TAP2: variants seen among roughly 807,000 people sequenced by gnomAD.
The protein encoded by TAP2 is antigen peptide transporter 2.
In TAP2, 49 loss-of-function variants were observed where a neutral mutation model predicts 74.7. The observed-to-expected ratio is 0.66, with a 90% CI of 0.52 to 0.83. The LOEUF (loss-of-function observed/expected upper bound fraction) is 0.83, where lower values mean the gene tolerates loss of function less well. TAP2 is among the 40% of genes least tolerant of loss of function. TAP2 has a pLI of 0.00. For missense variants in TAP2, 739 were observed against 859.0 expected (o/e 0.86, Z 1.75); for synonymous variants, 306 against 368.4 (o/e 0.83, Z 1.94).
Position 32,837,768 on chromosome 6 carries a change from A to C in TAP2, c.466T>G (p.Phe156Val), listed in dbSNP as rs1769514464. 1 of 1,614,206 alleles carries C rather than the reference A, an allele frequency of 6.2e-7. No individual in the cohort carries two copies. Among genetic ancestry groups the C allele is most frequent in the Non-Finnish European group, 8.5e-7 (1 of 1,180,030 alleles). ...AAAACAGCAAGGACAAGGAAGAAGA[A>C]GGCGGCAACGAGGAGAGGCAGGTCC... ...RPDLPLLVAA[F>V]FFLVLAVLGE... The change falls in exon 2 of 12, where the codon TTC becomes GTC. Residue 156 changes from phenylalanine (F) to valine (V), a missense_variant. By Grantham distance (50) the Phe-to-Val change is conservative. Transcript: ENST00000374897.
At chr6:32,836,139 T>A (rs1769406185) in intron 3 of TAP2, among the ~76,000 whole-genome samples, 1 of 152,196 alleles carries the variant, frequency 6.6e-6, no homozygotes, top group Non-Finnish European at 1.5e-5. Context: ...CCCTCAGGCT[T>A]GTCCCTCTGT....
rs1768642313 is a variant in TAP2, at chr6:32,826,225, G to C, written c.*2681C>G. 1 of 985,386 alleles carries C rather than the reference G, an allele frequency of 1.0e-6. No individual in the cohort carries two copies. The highest frequency in any genetic ancestry group is 1.2e-6 in the Non-Finnish European group (1 of 829,932). The allele number at this position is 985,386 out of a possible 1,614,324, so 61.0% of individuals were successfully genotyped here. On this transcript the variant is annotated 3_prime_UTR_variant, in exon 12 of 12. Transcript: ENST00000374897. ...GATTACAAGTGGCTATCCCTGGGTG[G>C]AGGCATAAAGGACTTGAAACTCAAT...
In TAP2 at chr6:32,826,513, A is replaced by C; in HGVS notation, c.*2393T>G. 1.0e-6 allele frequency: 1 copy of C among 985,452 alleles called. No homozygotes were observed. The highest frequency in any genetic ancestry group is 1.2e-6 in the Non-Finnish European group (1 of 829,944). The allele number at this position is 985,452 out of a possible 1,614,324, so 61.0% of individuals were successfully genotyped here. A position where few individuals can be genotyped will look rare whatever the true frequency, so the allele number is the denominator to read the frequency against. On this transcript the variant is annotated 3_prime_UTR_variant, in exon 12 of 12. Coordinates refer to ENST00000374897, the MANE Select transcript of TAP2 (RefSeq NM_001290043.2). ...AGGATTAGTGACATCTGTGGTTCCC[A>C]GACAAACCACACTTACAGGAATTTG...
chr6:32,828,682 C>CCACA lies in TAP2; in HGVS notation c.*223_*224insTGTG. 5.1e-6 allele frequency: 5 copies of CCACA among 971,400 alleles called. No individual in the cohort carries two copies. Among genetic ancestry groups the CCACA allele is most frequent in the Non-Finnish European group, 6.2e-6 (5 of 810,130 alleles). 60.2% of individuals were successfully genotyped at this position (971,400 alleles called of 1,614,324 possible). ...GTTTCCTGGACACAGACAGCCCCCA[C>CCACA]CCCACCCCACCCCACCTCTCTACCC... On this transcript the variant is annotated 3_prime_UTR_variant, in exon 12 of 12. Coordinates refer to ENST00000374897, the MANE Select transcript of TAP2 (RefSeq NM_001290043.2).
chr6:32,836,828 T>C (rs974363081), intron 3 of TAP2, among the ~76,000 whole-genome samples: 23 of 152,198 alleles, frequency 1.5e-4, no homozygotes, highest in Admixed American at 5.9e-4. Context: ...CAGGATGGAA[T>C]GAAGGCACAA....
At chr6:32,836,383 T>G (rs1769421777) in intron 3 of TAP2, among the ~76,000 whole-genome samples, 1 of 152,254 alleles carries the variant, frequency 6.6e-6, no homozygotes. Flanking sequence ...AAGCATGTAT[T>G]TTACAAAATA....
chr6:32,834,761 GCTGATTTTAAAGGGAAAATCTCC>G (rs372238361), intron 5 of TAP2, among the ~76,000 whole-genome samples: 55 of 152,272 alleles, frequency 3.6e-4, no homozygotes, highest in African/African-American at 1.3e-3. Context: ...GACTTCTTCT[GCTGATTTTAAAGGGAAAATCTCC>G]CTGCCTAAAA....
chr6:32,823,763 T>C (rs1224405818), downstream of TAP2, among the ~76,000 whole-genome samples: 1 of 150,368 alleles, frequency 6.7e-6, no homozygotes, highest in Non-Finnish European at 1.5e-5. Context: ...AATGTTTACA[T>C]GAGTATTTTT....
rs777959391 is a variant in TAP2, at chr6:32,830,404, C to T, written c.1498G>A (p.Ala500Thr). 1.9e-6 allele frequency: 3 copies of T among 1,612,958 alleles called. No individual in the cohort carries two copies. Among genetic ancestry groups the T allele is most frequent in the Non-Finnish European group, 2.5e-6 (3 of 1,180,040 alleles). ...CCAGACCCATTGGGTCCCACCAGCG[C>T]CGTCACCTCACCAGGACGTAGGGTA... ...TFTLRPGEVT[A>T]LVGPNGSGKS... Residue 500 changes from alanine to threonine, a missense_variant, in exon 9 of 12, where the codon GCG becomes ACG. Transcript: ENST00000374897.
intron 3 of TAP2, among the ~76,000 whole-genome samples, chr6:32,836,659 G>A (rs993582728): frequency 4.6e-5 from 7 of 152,186 alleles, no homozygotes; most frequent in Non-Finnish European, 8.8e-5. Flanking sequence ...CACTGTGGGC[G>A]ACTGTAACAC....
chr6:32,835,433 C>G lies in TAP2; in HGVS notation c.740-74G>C, dbSNP rs1225014775. On this transcript the variant is annotated intron_variant, in intron 4 of 11. Transcript: ENST00000374897. The surrounding 1 kb of genome is among the most constrained non-coding windows in gnomAD (Gnocchi z 4.0). ...GGGCCCCCAGAAACTCCCTCCTGACCGTTCCCTCTGACACAGCCCCCTCCT... is the reference window on the plus strand; with the variant it reads ...GGGCCCCCAGAAACTCCCTCCTGACGGTTCCCTCTGACACAGCCCCCTCCT... 9.7e-6 allele frequency: 15 copies of G among 1,540,506 alleles called. No homozygotes were observed. The highest frequency in any genetic ancestry group is 1.4e-5 in the African/African-American group (1 of 73,410).
In TAP2 at chr6:32,834,962, A is replaced by G. The variant is rs529088139; in HGVS notation, c.945+192T>C. ...TGTTTACAGTTCTGGAGAATCATGA[A>G]TCTTCTGAAGTCAAATATCCATTGT... On this transcript the variant is annotated intron_variant, in intron 5 of 11. Transcript: ENST00000374897. Among the ~76,000 whole-genome samples, 4 of 152,288 alleles carry G rather than the reference A, an allele frequency of 2.6e-5. No homozygotes were observed. In the South Asian group the frequency reaches 8.3e-4, roughly 32 times the overall value.
downstream of TAP2, chr6:32,825,362 C>T (rs1024894775): frequency 1.3e-5 from 2 of 152,110 alleles, no homozygotes; most frequent in Admixed American, 1.3e-4. Flanking sequence ...AATAACCTAA[C>T]TAGCCATCAG....
rs2127364618 is a variant in TAP2 at position 32,835,992 on chromosome 6, G to A, written c.609-219C>T. On this transcript the variant is annotated intron_variant, in intron 3 of 11. Coordinates refer to ENST00000374897, the MANE Select transcript of TAP2 (RefSeq NM_001290043.2). The surrounding 1 kb of genome is among the most constrained non-coding windows in gnomAD (Gnocchi z 4.0). Reference sequence around the variant, plus strand: ...AGAGGAGACATGGTGAGCTAGATGTGAGAACAAAATCATAACATGTACAAA... The same window carrying A: ...AGAGGAGACATGGTGAGCTAGATGTAAGAACAAAATCATAACATGTACAAA... Among the ~76,000 whole-genome samples, 1 of 152,258 alleles carries A rather than the reference G, an allele frequency of 6.6e-6. No homozygotes were observed. Among genetic ancestry groups the A allele is most frequent in the South Asian group, 2.1e-4 (1 of 4,826 alleles).
In TAP2 at chr6:32,835,083, C is replaced by T. The variant is rs1769323895; in HGVS notation, c.945+71G>A. 7 of 1,519,590 alleles carry T rather than the reference C, an allele frequency of 4.6e-6. No individual in the cohort carries two copies. The highest frequency in any genetic ancestry group is 6.4e-6 in the Non-Finnish European group (7 of 1,101,720). The allele number at this position is 1,519,590 out of a possible 1,614,324, so 94.1% of individuals were successfully genotyped here. ...CATCTCTCTCTAGGGGATCCTCTAG[C>T]CACAAATGTGGAAGCCTCCTCACCT... On this transcript the variant is annotated intron_variant, in intron 5 of 11. Transcript: ENST00000374897. The surrounding 1 kb of genome is among the most constrained non-coding windows in gnomAD (Gnocchi z 4.0).
Position 32,827,640 on chromosome 6 carries a change from A to AC in TAP2, c.*1265dup. 1.3e-6 allele frequency: 1 copy of AC among 750,012 alleles called. No homozygotes were observed. Among genetic ancestry groups the AC allele is most frequent in the Non-Finnish European group, 1.6e-6 (1 of 616,390 alleles). The allele number at this position is 750,012 out of a possible 1,614,324, so 46.5% of individuals were successfully genotyped here. On this transcript the variant is annotated 3_prime_UTR_variant, in exon 12 of 12. Coordinates refer to ENST00000374897, the MANE Select transcript of TAP2 (RefSeq NM_001290043.2). ...TCGAGCAGAAAATGGGCAAGAAAAC[A>AC]CCATATGCAAAGGCACAAAGGTGTT...
chr6:32,837,239 A>T (rs1395464848), intron 3 of TAP2, among the ~76,000 whole-genome samples: 1 of 152,208 alleles, frequency 6.6e-6, no homozygotes, highest in East Asian at 1.9e-4. Flanking sequence ...TCATGGACCT[A>T]GGAATGTTGA....
chr6:32,838,655 G>C lies in TAP2; in HGVS notation c.-7C>G. The C allele has an allele frequency of 5.7e-6, 1 of 176,538 alleles. No individual in the cohort carries two copies. The highest frequency in any genetic ancestry group is 2.2e-3 in the Middle Eastern group (1 of 446). The allele number at this position is 176,538 out of a possible 1,614,324, so 10.9% of individuals were successfully genotyped here. A position where few individuals can be genotyped will look rare whatever the true frequency, so the allele number is the denominator to read the frequency against. Reference sequence around the variant, plus strand: ...GGTTCCCCTCCGCACCAACTCACCAGCCGCGGCGGGGAGACCGCAGCTCCG... The same window carrying C: ...GGTTCCCCTCCGCACCAACTCACCACCCGCGGCGGGGAGACCGCAGCTCCG... On this transcript the variant is annotated splice_region_variant and 5_prime_UTR_variant, in exon 1 of 12. Transcript: ENST00000374897.
Position 32,838,129 on chromosome 6 carries a change from C to A in TAP2, c.105G>T (p.Leu35=), listed in dbSNP as rs1355240082. The change falls in exon 2 of 12, where the codon CTG becomes CTT. Residue 35 remains leucine (L), a synonymous_variant. Transcript: ENST00000374897. ...GPLGTLLPQG[L]PGLWLEGTLR... ...GGGTCCCCTCCAGCCATAGTCCTGG[C>A]AGCCCTTGAGGAAGCAAAGTCCCCA... is the stretch of plus-strand genomic sequence containing the variant. 1.2e-6 allele frequency: 2 copies of A among 1,609,610 alleles called. No individual in the cohort carries two copies. The highest frequency in any genetic ancestry group is 1.3e-5 in the African/African-American group (1 of 74,700).
Sources: gnomAD v4.1 joint callset for allele counts (sites outside exome capture counted in the v4.1 genomes callset) on GRCh38, gnomAD v4.1.1 for gene constraint, Gnocchi (gnomAD v3.1) non-coding constraint, MANE v1.5 for transcripts, NCBI Gene and HGNC (gene_info 2026-07-23, HGNC 2026-07-21) for gene names.